PPP1R1C: variants seen among roughly 807,000 people sequenced by gnomAD.
PPP1R1C encodes the protein protein phosphatase 1 regulatory inhibitor subunit 1C, also known as protein phosphatase 1 regulatory subunit 1C.
A neutral mutation model predicts 17.4 loss-of-function variants in PPP1R1C; 15 were observed. The observed-to-expected ratio is 0.86, with a 90% CI of 0.58 to 1.33. The LOEUF (loss-of-function observed/expected upper bound fraction) is 1.33. Among genes scored for constraint, PPP1R1C ranks in the 40% most tolerant of loss-of-function variants. The pLI is 0.00. For synonymous variants in PPP1R1C, 35 were observed against 43.1 expected (o/e 0.81, Z 0.73); for missense variants, 143 against 130.0 (o/e 1.10, Z -0.48).
chr2:182,003,767 A>T (rs977505322), intron 2 of PPP1R1C, among the ~76,000 whole-genome samples: 13 of 151,070 alleles, frequency 8.6e-5, no homozygotes, highest in Admixed American at 2.0e-4. Context: ...TTTAATTATT[A>T]AAAAAAAGGA....
At chr2:182,094,982 T>C (rs961202059) in intron 4 of PPP1R1C, among the ~76,000 whole-genome samples, 5 of 152,190 alleles carry the variant, frequency 3.3e-5, no homozygotes, top group Admixed American at 6.5e-5. Context: ...TGGAAGCTCA[T>C]GAACCCCATT....
At chr2:182,017,332 A>G (rs1161392720) in intron 2 of PPP1R1C, among the ~76,000 whole-genome samples, 2 of 152,132 alleles carry the variant, frequency 1.3e-5, no homozygotes, top group Non-Finnish European at 2.9e-5. Flanking sequence ...TTTTAACTCT[A>G]TAACCACTAT....
At chr2:182,043,233 T>C (rs1051238848) in intron 2 of PPP1R1C, among the ~76,000 whole-genome samples, 2 of 152,196 alleles carry the variant, frequency 1.3e-5, no homozygotes, top group Admixed American at 1.3e-4. Flanking sequence ...TCCATCTGTG[T>C]CTGGATTATT....
chr2:181,986,176 T>C lies in PPP1R1C; in HGVS notation c.66T>C (p.Pro22=). The C allele has an allele frequency of 6.2e-7, 1 of 1,613,236 alleles. No homozygotes were observed. The highest frequency in any genetic ancestry group is 8.5e-7 in the Non-Finnish European group (1 of 1,179,202). Residue 22 remains proline, a synonymous_variant, in exon 1 of 5, where the codon CCT becomes CCC. Transcript: ENST00000682840. ...CTGTATTCCAGAGTCAGATTGCACCTGAAGCAGCAGAGCAGGTATGTGAAA... is the reference window on the plus strand; with the variant it reads ...CTGTATTCCAGAGTCAGATTGCACCCGAAGCAGCAGAGCAGGTATGTGAAA... The part of the protein sequence containing the change: ...AVPVFQSQIA[P]EAAEQIRKRR...
In PPP1R1C at chr2:182,103,143, G is replaced by T. The variant is rs188119751; in HGVS notation, c.242-14064G>T. Reference sequence around the variant, plus strand: ...AGCAATTCATTTATAATGTCTAAAAGTTGGGGGGAGGTTCTGATTTTGTTA... The same window carrying T: ...AGCAATTCATTTATAATGTCTAAAATTTGGGGGGAGGTTCTGATTTTGTTA... On this transcript the variant is annotated intron_variant, in intron 4 of 4. Coordinates refer to ENST00000682840, the MANE Select transcript of PPP1R1C (RefSeq NM_001080545.3). 2.2e-4 allele frequency among the ~76,000 whole-genome samples: 34 copies of T among 152,220 alleles called. 1 individual carries two copies. The East Asian group carries it at 5.8e-3, about 26-fold the overall frequency.
At chr2:182,087,982 T>G (rs1183801540) in intron 4 of PPP1R1C, among the ~76,000 whole-genome samples, 2 of 152,228 alleles carry the variant, frequency 1.3e-5, no homozygotes, top group Non-Finnish European at 2.9e-5. Context: ...GAAAATGACC[T>G]GATCCAAATG....
At chr2:181,997,737 A>C (rs558494637) in intron 2 of PPP1R1C, among the ~76,000 whole-genome samples, 2 of 152,222 alleles carry the variant, frequency 1.3e-5, no homozygotes, top group African/African-American at 4.8e-5. Context: ...CAGAAGTATT[A>C]TAATTAGATG....
intron 4 of PPP1R1C, among the ~76,000 whole-genome samples, chr2:182,101,256 T>C (rs554292978): frequency 8.5e-5 from 13 of 152,334 alleles, no homozygotes; most frequent in East Asian, 1.9e-4. Context: ...AATTGACTTG[T>C]AAGGAGTTTG....
intron 2 of PPP1R1C, among the ~76,000 whole-genome samples, chr2:182,058,762 G>C (rs938011904): frequency 5.9e-5 from 9 of 152,102 alleles, no homozygotes; most frequent in African/African-American, 2.2e-4. Context: ...CTCCAAGACA[G>C]ATTTTTCTGC....
rs1470092215 is a variant in PPP1R1C, at chr2:181,957,486, T to C, written n.111+2852T>C. Among the ~76,000 whole-genome samples the C allele has an allele frequency of 6.6e-6, 1 of 152,230 alleles. No individual in the cohort carries two copies. The highest frequency in any genetic ancestry group is 2.4e-5 in the African/African-American group (1 of 41,460). Reference sequence around the variant, plus strand: ...ACCCATTCTCAACCATTTAGAAATATTATTAAGTCCCTTTAACTTACTGAA... The same window carrying C: ...ACCCATTCTCAACCATTTAGAAATACTATTAAGTCCCTTTAACTTACTGAA... On this transcript the variant is annotated intron_variant and non_coding_transcript_variant, in intron 1 of 5. Coordinates refer to the PPP1R1C transcript ENST00000464264. This position sits in a 1 kb window ranked among gnomAD's most constrained non-coding sequence, Gnocchi z 4.2.
chr2:182,101,116 CA>C (rs995768093), intron 4 of PPP1R1C, among the ~76,000 whole-genome samples: 1 of 152,176 alleles, frequency 6.6e-6, no homozygotes, highest in African/African-American at 2.4e-5. Flanking sequence ...GAGAAATAAA[CA>C]AGCCTTCCTT....
chr2:182,124,444 G>A (rs1347466772), intron 5 of PPP1R1C, among the ~76,000 whole-genome samples: 3 of 150,602 alleles, frequency 2.0e-5, no homozygotes, highest in African/African-American at 7.3e-5. Flanking sequence ...AAAGTCAATG[G>A]GATCTTGATG....
intron 4 of PPP1R1C, among the ~76,000 whole-genome samples, chr2:182,102,401 C>G (rs78913763): frequency 6.6e-6 from 1 of 152,034 alleles, no homozygotes; most frequent in Non-Finnish European, 1.5e-5. Flanking sequence ...ATAACAGTGC[C>G]GCACATTCTC....
In PPP1R1C at chr2:181,962,345, C is replaced by T. The variant is rs1684814982; in HGVS notation, n.111+7711C>T. 8 of 957,292 alleles carry T rather than the reference C, an allele frequency of 8.4e-6. No individual in the cohort carries two copies. Among genetic ancestry groups the T allele is most frequent in the South Asian group, 2.8e-5 (2 of 71,804 alleles). 59.3% of individuals were successfully genotyped at this position (957,292 alleles called of 1,614,324 possible). A position where few individuals can be genotyped will look rare whatever the true frequency, so the allele number is the denominator to read the frequency against. ...GCTGGTGGAGCGGGACACGGATATCCGGGAACCAGAGCCCCCGGCGCCTGC... is the reference window on the plus strand; with the variant it reads ...GCTGGTGGAGCGGGACACGGATATCTGGGAACCAGAGCCCCCGGCGCCTGC... On this transcript the variant is annotated intron_variant and non_coding_transcript_variant, in intron 1 of 5. Transcript: ENST00000464264. The surrounding 1 kb of genome is among the most constrained non-coding windows in gnomAD (Gnocchi z 6.0).
At chr2:182,077,815 T>C (rs186734168) in intron 4 of PPP1R1C, among the ~76,000 whole-genome samples, 1 of 152,314 alleles carries the variant, frequency 6.6e-6, no homozygotes, top group East Asian at 1.9e-4. Context: ...AAGAACACAG[T>C]GCTTATGACC....
At chr2:182,037,479 C>T (rs1157785426) in intron 2 of PPP1R1C, among the ~76,000 whole-genome samples, 5 of 151,334 alleles carry the variant, frequency 3.3e-5, no homozygotes, top group Non-Finnish European at 5.9e-5. Context: ...TCCAGCTACT[C>T]GGGAGGCTGA....
chr2:182,026,756 G>A (rs1686627290), intron 2 of PPP1R1C, among the ~76,000 whole-genome samples: 1 of 151,338 alleles, frequency 6.6e-6, no homozygotes, highest in Non-Finnish European at 1.5e-5. Flanking sequence ...GAAAGTCATT[G>A]GTAGCTTGAT....
At chr2:182,056,233 C>T (rs1559074477) in intron 2 of PPP1R1C, among the ~76,000 whole-genome samples, 2 of 152,168 alleles carry the variant, frequency 1.3e-5, no homozygotes, top group African/African-American at 2.4e-5. Context: ...GTCTTTCACA[C>T]GAAGTCAGTT....
At position 182,052,119 on chromosome 2, in the gene PPP1R1C, G is replaced by A. The variant is rs538827340; in HGVS notation, c.143-9323G>A. ...TAATACATTTGATAGAAGTTAAAAG[G>A]TATCAAATACCGTTGTATCTAACAA... On this transcript the variant is annotated intron_variant, in intron 2 of 4. Coordinates refer to ENST00000682840, the MANE Select transcript of PPP1R1C (RefSeq NM_001080545.3). Among the ~76,000 whole-genome samples, 3 of 152,256 alleles carry A rather than the reference G, an allele frequency of 2.0e-5. No individual in the cohort carries two copies. The South Asian group carries it at 6.2e-4, about 32-fold the overall frequency.
Sources: gnomAD v4.1 joint callset for allele counts (sites outside exome capture counted in the v4.1 genomes callset) on GRCh38, gnomAD v4.1.1 for gene constraint, Gnocchi (gnomAD v3.1) non-coding constraint, MANE v1.5 for transcripts, NCBI Gene and HGNC (gene_info 2026-07-23, HGNC 2026-07-21) for gene names.